Variants in PAX8 observed in about 807,000 individuals in gnomAD.
PAX8 encodes the protein paired box 8.
In PAX8, 15 loss-of-function variants were observed where a neutral mutation model predicts 52.4. The observed-to-expected ratio is 0.29, with a 90% CI of 0.19 to 0.44. The LOEUF is 0.44. Ranked by LOEUF, PAX8 falls within the 20% of genes least tolerant of loss-of-function variation. The pLI is 1.00. For missense variants in PAX8, 554 were observed against 602.5 expected, an observed-to-expected ratio of 0.92 and a Z score of 0.84; for synonymous variants, 284 against 249.7, an observed-to-expected ratio of 1.14 and a Z score of -1.29.
In PAX8 at chr2:113,218,475, G is replaced by A; in HGVS notation, c.*58C>T. ...AAGATTCCTTTGTGTGACTCTCTGGGGCCTGTCCCAGGCTGAGTCCTCCTG... is the reference window on the plus strand; with the variant it reads ...AAGATTCCTTTGTGTGACTCTCTGGAGCCTGTCCCAGGCTGAGTCCTCCTG... On this transcript the variant is annotated 3_prime_UTR_variant, in exon 12 of 12. Transcript: ENST00000429538. 1 of 982,658 alleles carries A rather than the reference G, an allele frequency of 1.0e-6. No homozygotes were observed. Among genetic ancestry groups the A allele is most frequent in the Non-Finnish European group, 1.5e-6 (1 of 662,840 alleles). The allele number at this position is 982,658 out of a possible 1,614,324, so 60.9% of individuals were successfully genotyped here. A position where few individuals can be genotyped will look rare whatever the true frequency, so the allele number is the denominator to read the frequency against.
Position 113,235,291 on chromosome 2 carries a change from G to A in PAX8, c.1087+103C>T, listed in dbSNP as rs1437627213. The A allele has an allele frequency of 9.5e-6, 9 of 943,574 alleles. No individual in the cohort carries two copies. The South Asian group carries it at 1.3e-4, about 14-fold the overall frequency. 58.5% of individuals were successfully genotyped at this position (943,574 alleles called of 1,614,324 possible). A position where few individuals can be genotyped will look rare whatever the true frequency, so the allele number is the denominator to read the frequency against. On this transcript the variant is annotated intron_variant, in intron 9 of 11. Coordinates refer to ENST00000429538, the MANE Select transcript of PAX8 (RefSeq NM_003466.4). The stretch of plus-strand genomic sequence containing the variant: ...CGGAGGAATTAGGGAACAGGGTGGG[G>A]GTGGATGAGACTGAGGCCAGAGAGG...
Position 113,224,861 on chromosome 2 carries a change from TAAA to T in PAX8, c.1189+2291_1189+2293del, listed in dbSNP as rs1256054527. Reference sequence around the variant, plus strand: ...AAATATAAAATAAAATAAAATAAAATAAAATAAAATAAAATAAAATAAAATAGA... The same window carrying T: ...AAATATAAAATAAAATAAAATAAAATATAAAATAAAATAAAATAAAATAGA... On this transcript the variant is annotated intron_variant, in intron 10 of 11. Coordinates refer to ENST00000429538, the MANE Select transcript of PAX8 (RefSeq NM_003466.4). Among the ~76,000 whole-genome samples the T allele has an allele frequency of 7.0e-5, 10 of 143,266 alleles. No homozygotes were observed. In the South Asian group the frequency reaches 1.7e-3, roughly 25 times the overall value. 94.0% of individuals were successfully genotyped at this position (143,266 alleles called of 152,430 possible). A position where few individuals can be genotyped will look rare whatever the true frequency, so the allele number is the denominator to read the frequency against.
At chr2:113,241,461 G>C (rs1438050965) in intron 7 of PAX8, 90 bp downstream of exon 7, 1 of 1,327,066 alleles carries the variant, frequency 7.5e-7, no homozygotes, top group Non-Finnish European at 1.0e-6. Flanking sequence ...GCAACTTCCA[G>C]CTGCTTTGAT....
intron 1 of PAX8, 58 bp from the exon 2 acceptor site, chr2:113,278,527 A>C (rs986337219): frequency 1.7e-5 from 24 of 1,378,708 alleles, no homozygotes; most frequent in Non-Finnish European, 2.3e-5. Context: ...CTGCATCCTC[A>C]GGCCCCCTCC....
chr2:113,239,067 GC>G (rs545048270), intron 7 of PAX8: 2,538 of 141,308 alleles, frequency 0.018, 42 homozygotes, highest in Non-Finnish European at 0.029. Flanking sequence ...ACTTCCCCCT[GC>G]CCTTTTTTTT....
intron 2 of PAX8, chr2:113,270,340 C>T (rs559645508): frequency 4.1e-4 from 62 of 152,288 alleles, no homozygotes; most frequent in African/African-American, 1.5e-3. Context: ...CATGACTCCC[C>T]AGAAGCCCTG....
chr2:113,237,001 C>A, intron 7 of PAX8: 1 of 481,494 alleles, frequency 2.1e-6, no homozygotes, highest in South Asian at 2.8e-5. Flanking sequence ...GATGGCTGGT[C>A]GGCTTCCTGG....
At chr2:113,218,751 A>C in intron 11 of PAX8, 142 bp from the exon 12 acceptor site, 2 of 558,064 alleles carry the variant, frequency 3.6e-6, no homozygotes, top group Admixed American at 3.0e-5. Flanking sequence ...TCGAAGATTA[A>C]CTCCTCTCCA....
In PAX8 at chr2:113,235,475, C is replaced by T. The variant is rs764438925; in HGVS notation, c.1006G>A (p.Gly336Ser). ...GCATTGAAGGGCGGGACCCCGGAGC[C>T]GACTTGCTGCAGATCCAAAAAGGCG... is the stretch of plus-strand genomic sequence containing the variant. Reference protein sequence around the residue: ...SSAFLDLQQVGSGVPPFNAFP... With the variant: ...SSAFLDLQQVSSGVPPFNAFP... Residue 336 changes from glycine (G) to serine (S), a missense_variant, in exon 9 of 12, where the codon GGC (glycine) becomes AGC (serine). Coordinates refer to ENST00000429538, the MANE Select transcript of PAX8 (RefSeq NM_003466.4). 3 of 1,613,276 alleles carry T rather than the reference C, an allele frequency of 1.9e-6. No homozygotes were observed. Among genetic ancestry groups the T allele is most frequent in the Admixed American group, 1.7e-5 (1 of 59,920 alleles).
At chr2:113,218,672 C>T (rs924686055) in intron 11 of PAX8, 63 bp from the exon 12 acceptor site, 2 of 1,044,910 alleles carry the variant, frequency 1.9e-6, no homozygotes, top group African/African-American at 3.2e-5. Flanking sequence ...TGCACCATAG[C>T]CTTCCCTGCA....
At chr2:113,246,658 C>G (rs903580845) in intron 3 of PAX8, 96 bp downstream of exon 3, 38 of 1,382,238 alleles carry the variant, frequency 2.7e-5, no homozygotes, top group Non-Finnish European at 3.7e-5. Flanking sequence ...GAGCAAATCC[C>G]CGTTCCCTGG....
chr2:113,241,902 G>T, intron 6 of PAX8, 106 bp downstream of exon 6: 7 of 1,468,934 alleles, frequency 4.8e-6, no homozygotes, highest in Non-Finnish European at 6.6e-6. Context: ...CACATGCAGA[G>T]CCCCTACAAA....
chr2:113,251,752 T>C (rs4142815), intron 2 of PAX8, among the ~76,000 whole-genome samples: 71,198 of 152,050 alleles, frequency 0.47, 17,237 homozygotes, highest in East Asian at 0.71. Flanking sequence ...GAGACACTTA[T>C]TGACCAAAAT....
intron 10 of PAX8, chr2:113,220,474 C>A: frequency 3.4e-6 from 1 of 295,376 alleles, no homozygotes; most frequent in Non-Finnish European, 6.5e-6. Context: ...CCCCCATTTT[C>A]CAGATGAAGA....
At chr2:113,276,493 A>T (rs1487229206) in intron 2 of PAX8, 1 of 151,818 alleles carries the variant, frequency 6.6e-6, no homozygotes, top group Non-Finnish European at 1.5e-5. Flanking sequence ...CCCTCCCAAA[A>T]CCCAAGCGCG....
intron 2 of PAX8, among the ~76,000 whole-genome samples, chr2:113,254,359 G>C (rs1343286327): frequency 6.6e-6 from 1 of 152,178 alleles, no homozygotes; most frequent in African/African-American, 2.4e-5. Flanking sequence ...TTACTACTTG[G>C]AATAAGTGCT....
intron 9 of PAX8, among the ~76,000 whole-genome samples, chr2:113,234,819 G>A (rs982649326): frequency 2.6e-5 from 4 of 152,116 alleles, no homozygotes; most frequent in Admixed American, 2.0e-4. Context: ...CGCCCGGTCG[G>A]TGCTTCCAGC....
At chr2:113,257,354 G>A (rs1692336815) in intron 2 of PAX8, among the ~76,000 whole-genome samples, 1 of 152,092 alleles carries the variant, frequency 6.6e-6, no homozygotes, top group South Asian at 2.1e-4. Context: ...TCCCTGGTGG[G>A]GTGTCTATGC....
chr2:113,245,045 G>GTT (rs11460401), intron 3 of PAX8, among the ~76,000 whole-genome samples: 46 of 135,724 alleles, frequency 3.4e-4, no homozygotes, highest in South Asian at 1.2e-3. Context: ...GGTTTTTTTT[G>GTT]TTTTTTTTTT....
Sources: gnomAD v4.1 joint callset for allele counts (sites outside exome capture counted in the v4.1 genomes callset) on GRCh38, gnomAD v4.1.1 for gene constraint, MANE v1.5 for transcripts, NCBI Gene and HGNC (gene_info 2026-07-23, HGNC 2026-07-21) for gene names.